ENOPH1: variants seen among roughly 807,000 people sequenced by gnomAD.
The protein encoded by ENOPH1 is enolase-phosphatase E1.
Under a neutral mutation model 31.1 loss-of-function variants are expected in ENOPH1, and 14 were observed. The observed-to-expected ratio is 0.45, with a 90% CI of 0.30 to 0.70. ENOPH1 has a LOEUF of 0.70. ENOPH1 is among the 30% of genes least tolerant of loss of function. ENOPH1 has a pLI of 0.09. For synonymous variants in ENOPH1, 127 were observed against 123.2 expected, an observed-to-expected ratio of 1.03 and a Z score of -0.21; for missense variants, 243 against 321.5, an observed-to-expected ratio of 0.76 and a Z score of 1.87.
At chr4:82,459,020 C>G (rs1355274129) in intron 5 of ENOPH1, among the ~76,000 whole-genome samples, 1 of 152,176 alleles carries the variant, frequency 6.6e-6, no homozygotes, top group African/African-American at 2.4e-5. Flanking sequence ...GGTGCTGTGA[C>G]TCTTCTCCAA....
intron 1 of ENOPH1, among the ~76,000 whole-genome samples, chr4:82,443,968 G>A (rs1488653341): frequency 1.3e-5 from 2 of 151,886 alleles, no homozygotes; most frequent in Non-Finnish European, 2.9e-5. Context: ...TTCTACTTCC[G>A]GGTTCAAGCG....
At chr4:82,431,776 G>C (rs1721770000) in intron 1 of ENOPH1, among the ~76,000 whole-genome samples, 1 of 152,154 alleles carries the variant, frequency 6.6e-6, no homozygotes, top group East Asian at 1.9e-4. Flanking sequence ...TCTTAGAGGT[G>C]CTTGCATGCA....
chr4:82,438,158 C>G (rs553932062), intron 1 of ENOPH1, among the ~76,000 whole-genome samples: 1 of 152,130 alleles, frequency 6.6e-6, no homozygotes, highest in Non-Finnish European at 1.5e-5. Context: ...TTCTACCCCC[C>G]CAAATATTCT....
At chr4:82,448,130 G>A in intron 2 of ENOPH1, 109 bp downstream of exon 2, 1 of 672,724 alleles carries the variant, frequency 1.5e-6, no homozygotes, top group East Asian at 2.9e-5. Flanking sequence ...GTTTGATAGG[G>A]GATAGAAGTT....
At chr4:82,437,814 A>C (rs1455632994) in intron 1 of ENOPH1, among the ~76,000 whole-genome samples, 1 of 152,188 alleles carries the variant, frequency 6.6e-6, no homozygotes, top group African/African-American at 2.4e-5. Context: ...GCATGCTGTA[A>C]CATGCTGGGT....
At chr4:82,450,125 T>A (rs1722310049) in intron 2 of ENOPH1, among the ~76,000 whole-genome samples, 1 of 152,236 alleles carries the variant, frequency 6.6e-6, no homozygotes, top group Non-Finnish European at 1.5e-5. Flanking sequence ...TGTAGTTATG[T>A]CCTTTGGGCA....
chr4:82,447,768 GTC>G (rs1178044391), intron 1 of ENOPH1, 150 bp from the exon 2 acceptor site: 2 of 463,000 alleles, frequency 4.3e-6, no homozygotes, highest in Admixed American at 8.2e-5. Flanking sequence ...CTTGGCCTCT[GTC>G]TCTCTTTCTT....
intron 3 of ENOPH1, among the ~76,000 whole-genome samples, chr4:82,454,204 A>G (rs1722424742): frequency 6.6e-6 from 1 of 152,086 alleles, no homozygotes; most frequent in South Asian, 2.1e-4. Flanking sequence ...ACAGAGCAAG[A>G]CCCTGTCTCA....
chr4:82,432,963 A>T (rs934086249), intron 1 of ENOPH1, among the ~76,000 whole-genome samples: 14 of 152,008 alleles, frequency 9.2e-5, no homozygotes, highest in African/African-American at 3.4e-4. Flanking sequence ...TTCAGGACAA[A>T]TACTGATGAT....
In ENOPH1 at chr4:82,430,732, C is replaced by T. The variant is rs2110033660; in HGVS notation, c.-98C>T. 1.7e-6 allele frequency: 2 copies of T among 1,169,932 alleles called. No homozygotes were observed. Among genetic ancestry groups the T allele is most frequent in the East Asian group, 4.9e-5 (2 of 40,794 alleles). The allele number at this position is 1,169,932 out of a possible 1,614,324, so 72.5% of individuals were successfully genotyped here. On this transcript the variant is annotated 5_prime_UTR_variant, in exon 1 of 6. Coordinates refer to ENST00000273920, the MANE Select transcript of ENOPH1 (RefSeq NM_021204.5). ...CTGGCTCCGAGATCGCGCGGGGCCGCCGGAAGCCCAAGACGGTACCGGGGG... is the reference window on the plus strand; with the variant it reads ...CTGGCTCCGAGATCGCGCGGGGCCGTCGGAAGCCCAAGACGGTACCGGGGG...
intron 5 of ENOPH1, among the ~76,000 whole-genome samples, chr4:82,458,247 C>T (rs546848231): frequency 3.0e-4 from 45 of 152,320 alleles, no homozygotes; most frequent in African/African-American, 1.0e-3. Flanking sequence ...TAACTCACAC[C>T]TATAATCCTA....
At chr4:82,437,552 A>G (rs1721940301) in intron 1 of ENOPH1, among the ~76,000 whole-genome samples, 1 of 152,242 alleles carries the variant, frequency 6.6e-6, no homozygotes, top group Non-Finnish European at 1.5e-5. Context: ...AACTTAAAAA[A>G]AAATTACTTA....
At chr4:82,432,962 A>G (rs1206789631) in intron 1 of ENOPH1, among the ~76,000 whole-genome samples, 1 of 151,952 alleles carries the variant, frequency 6.6e-6, no homozygotes, top group Non-Finnish European at 1.5e-5. Flanking sequence ...TTTCAGGACA[A>G]ATACTGATGA....
chr4:82,448,861 A>G (rs1722266982), intron 2 of ENOPH1, among the ~76,000 whole-genome samples: 1 of 151,076 alleles, frequency 6.6e-6, no homozygotes, highest in Non-Finnish European at 1.5e-5. Flanking sequence ...GATCGAGACC[A>G]TCTCGGCTAA....
intron 1 of ENOPH1, among the ~76,000 whole-genome samples, chr4:82,433,414 A>G (rs1470346884): frequency 1.3e-5 from 2 of 152,222 alleles, no homozygotes; most frequent in Non-Finnish European, 2.9e-5. Context: ...TGCAATTTCA[A>G]TGCAGGCTGC....
At chr4:82,437,694 C>T (rs1272367949) in intron 1 of ENOPH1, among the ~76,000 whole-genome samples, 1 of 152,212 alleles carries the variant, frequency 6.6e-6, no homozygotes, top group South Asian at 2.1e-4. Context: ...GTATTTGCTA[C>T]TGGAGCCAAT....
At chr4:82,444,532 A>G (rs969963518) in intron 1 of ENOPH1, among the ~76,000 whole-genome samples, 11 of 152,218 alleles carry the variant, frequency 7.2e-5, no homozygotes, top group African/African-American at 1.7e-4. Flanking sequence ...TATTAATTCT[A>G]TGACCTTTTC....
intron 1 of ENOPH1, among the ~76,000 whole-genome samples, chr4:82,433,783 A>G (rs1251399703): frequency 6.6e-6 from 1 of 152,244 alleles, no homozygotes; most frequent in Non-Finnish European, 1.5e-5. Context: ...ACATTTCACA[A>G]ATCTACTTGA....
intron 1 of ENOPH1, among the ~76,000 whole-genome samples, chr4:82,440,880 C>A (rs187768954): frequency 1.3e-5 from 2 of 152,346 alleles, no homozygotes; most frequent in African/African-American, 4.8e-5. Context: ...TTTCAACCTA[C>A]ACCCCTTGTA....
Sources: gnomAD v4.1 joint callset for allele counts (sites outside exome capture counted in the v4.1 genomes callset) on GRCh38, gnomAD v4.1.1 for gene constraint, MANE v1.5 for transcripts, NCBI Gene and HGNC (gene_info 2026-07-23, HGNC 2026-07-21) for gene names.